GRAMD1C: variants seen among roughly 807,000 people sequenced by gnomAD.
GRAMD1C encodes the protein GRAM domain containing 1C, also known as protein Aster-C.
Under a neutral mutation model 97.8 loss-of-function variants are expected in GRAMD1C, and 89 were observed. The observed-to-expected ratio is 0.91, with a 90% CI of 0.77 to 1.09. The LOEUF is 1.09. Among genes scored for constraint, GRAMD1C ranks in the 50% least tolerant of loss-of-function variants. GRAMD1C has a pLI of 0.00. For missense variants in GRAMD1C, 740 were observed against 766.4 expected (o/e 0.97, Z 0.41); for synonymous variants, 256 against 267.0 (o/e 0.96, Z 0.40).
intron 6 of GRAMD1C, among the ~76,000 whole-genome samples, chr3:113,895,042 G>A (rs560564248): frequency 3.3e-5 from 5 of 152,280 alleles, no homozygotes; most frequent in African/African-American, 4.8e-5. Context: ...GTCAGACGTA[G>A]GCCAAGAACT....
intron 5 of GRAMD1C, among the ~76,000 whole-genome samples, chr3:113,878,831 A>G (rs569665615): frequency 1.3e-5 from 2 of 152,220 alleles, no homozygotes; most frequent in African/African-American, 4.8e-5. Context: ...CCTCTCCCAC[A>G]TGGATGCCTC....
At chr3:113,848,513 T>C (rs1283318811) in intron 2 of GRAMD1C, among the ~76,000 whole-genome samples, 2 of 152,042 alleles carry the variant, frequency 1.3e-5, no homozygotes, top group Non-Finnish European at 2.9e-5. Context: ...TTTTTTATTT[T>C]AAAATATTGG....
intron 2 of GRAMD1C, among the ~76,000 whole-genome samples, chr3:113,849,909 G>A (rs1457792965): frequency 5.6e-5 from 8 of 143,280 alleles, no homozygotes; most frequent in African/African-American, 2.1e-4. Flanking sequence ...GGGGCGGCTG[G>A]CCAGGCGGGG....
At chr3:113,847,587 C>G (rs1299316372) in intron 2 of GRAMD1C, among the ~76,000 whole-genome samples, 2 of 152,220 alleles carry the variant, frequency 1.3e-5, no homozygotes, top group South Asian at 4.1e-4. Context: ...TCTACCACAA[C>G]TCTAGCATGT....
At chr3:113,843,921 A>C (rs991625762) in intron 1 of GRAMD1C, among the ~76,000 whole-genome samples, 1 of 152,206 alleles carries the variant, frequency 6.6e-6, no homozygotes, top group Non-Finnish European at 1.5e-5. Flanking sequence ...GTATATGTCT[A>C]TCTTCTTTCC....
chr3:113,869,084 A>AC (rs1934692739), intron 2 of GRAMD1C, among the ~76,000 whole-genome samples: 1 of 151,760 alleles, frequency 6.6e-6, no homozygotes, highest in African/African-American at 2.4e-5. Context: ...ATCTGTTCCC[A>AC]CCCCCAAAGA....
chr3:113,926,462 T>C (rs1332386360), intron 10 of GRAMD1C, among the ~76,000 whole-genome samples: 1 of 152,210 alleles, frequency 6.6e-6, no homozygotes, highest in Non-Finnish European at 1.5e-5. Context: ...GTTTTGAGTT[T>C]CTCCTGAATT....
chr3:113,892,129 G>A (rs919918345), intron 6 of GRAMD1C, among the ~76,000 whole-genome samples: 9 of 152,160 alleles, frequency 5.9e-5, no homozygotes, highest in African/African-American at 1.4e-4. Flanking sequence ...AGCCAAATAT[G>A]TTTCCTTTGA....
chr3:113,884,732 G>A (rs1208525009), intron 6 of GRAMD1C, among the ~76,000 whole-genome samples: 1 of 151,812 alleles, frequency 6.6e-6, no homozygotes, highest in Non-Finnish European at 1.5e-5. Flanking sequence ...CCAGCTACTC[G>A]GGAGGCTGAG....
intron 6 of GRAMD1C, among the ~76,000 whole-genome samples, chr3:113,892,346 C>T (rs774391147): frequency 6.6e-6 from 1 of 152,034 alleles, no homozygotes; most frequent in African/African-American, 2.4e-5. Flanking sequence ...GTGGCAGGCA[C>T]TTGTAGTCCC....
At chr3:113,881,015 C>G (rs1022511971) in intron 5 of GRAMD1C, among the ~76,000 whole-genome samples, 2 of 152,102 alleles carry the variant, frequency 1.3e-5, no homozygotes, top group African/African-American at 4.8e-5. Context: ...TAAAGGAAGG[C>G]TAATCATAGC....
At chr3:113,912,476 G>A (rs1179409384) in intron 9 of GRAMD1C, among the ~76,000 whole-genome samples, 1 of 152,164 alleles carries the variant, frequency 6.6e-6, no homozygotes, top group African/African-American at 2.4e-5. Context: ...GAGCACGGTG[G>A]CTCATGCCCG....
intron 15 of GRAMD1C, chr3:113,939,558 G>C: frequency 5.8e-6 from 1 of 173,266 alleles, no homozygotes; most frequent in Non-Finnish European, 1.2e-5. Context: ...TTATCTGGTA[G>C]ATTTCAAAGC....
rs1447124539 is a variant in GRAMD1C at position 113,832,336 on chromosome 3, C to A, written n.98+4057C>A. Among the ~76,000 whole-genome samples, 3 of 152,140 alleles carry A rather than the reference C, an allele frequency of 2.0e-5. No individual in the cohort carries two copies. In the East Asian group the frequency reaches 5.8e-4, roughly 29 times the overall value. On this transcript the variant is annotated intron_variant and non_coding_transcript_variant, in intron 1 of 18. Transcript: ENST00000479212. ...AGCCACTGTGCCTGGCATAATGCAG[C>A]AACTTTGAAAATCAGGTTGTACACC...
intron 6 of GRAMD1C, among the ~76,000 whole-genome samples, chr3:113,894,313 C>G (rs951822069): frequency 6.6e-6 from 1 of 151,586 alleles, no homozygotes. Flanking sequence ...GAGTCTTGCT[C>G]TGTTGCCCAG....
chr3:113,945,314 TG>T, intron 17 of GRAMD1C, 83 bp from the exon 18 acceptor site: 1 of 776,636 alleles, frequency 1.3e-6, no homozygotes, highest in Admixed American at 2.2e-5. Flanking sequence ...TAAGTGTCAC[TG>T]TAAATTTTGG....
At chr3:113,894,236 A>G (rs1469117223) in intron 6 of GRAMD1C, among the ~76,000 whole-genome samples, 1 of 152,056 alleles carries the variant, frequency 6.6e-6, no homozygotes, top group Non-Finnish European at 1.5e-5. Context: ...AGGATTACAG[A>G]TATTATAATA....
At chr3:113,944,810 A>G (rs1169406684) in intron 17 of GRAMD1C, among the ~76,000 whole-genome samples, 2 of 152,212 alleles carry the variant, frequency 1.3e-5, no homozygotes, top group African/African-American at 4.8e-5. Context: ...GAATGAATAC[A>G]AAAAAAGAGT....
chr3:113,867,368 C>T (rs1254655070), intron 2 of GRAMD1C, among the ~76,000 whole-genome samples: 1 of 152,136 alleles, frequency 6.6e-6, no homozygotes, highest in African/African-American at 2.4e-5. Flanking sequence ...TCTGGGCTCC[C>T]TGCAACTTCT....
Sources: gnomAD v4.1 joint callset for allele counts (sites outside exome capture counted in the v4.1 genomes callset) on GRCh38, gnomAD v4.1.1 for gene constraint, MANE v1.5 for transcripts, NCBI Gene and HGNC (gene_info 2026-07-23, HGNC 2026-07-21) for gene names.